Variants in NRXN3 observed in about 807,000 individuals in gnomAD.
NRXN3 encodes neurexin 3.
Under a neutral mutation model 137.6 loss-of-function variants are expected in NRXN3, and 32 were observed. The ratio of observed to expected loss-of-function variants is 0.23; its 90% CI spans 0.18 to 0.31. The LOEUF (loss-of-function observed/expected upper bound fraction) is 0.31, where lower values mean the gene tolerates loss of function less well. Among genes scored for constraint, NRXN3 ranks in the 10% least tolerant of loss-of-function variants. The probability of loss-of-function intolerance (pLI) is 1.00; values close to 1 mark genes in which losing one functional copy is unlikely to be tolerated. For synonymous variants in NRXN3, 798 were observed against 784.5 expected, an observed-to-expected ratio of 1.02 and a Z score of -0.29; for missense variants, 1,574 against 2,062.5, an observed-to-expected ratio of 0.76 and a Z score of 4.59.
chr14:78,187,088 G>T (rs1372545114), intron 1 of NRXN3, among the ~76,000 whole-genome samples: 1 of 152,146 alleles, frequency 6.6e-6, no homozygotes, highest in African/African-American at 2.4e-5. Flanking sequence ...TGCATGGATT[G>T]TGCCCAAGCT....
chr14:79,167,087 C>G (rs1403149125), intron 15 of NRXN3, among the ~76,000 whole-genome samples: 1 of 151,940 alleles, frequency 6.6e-6, no homozygotes, highest in Admixed American at 6.6e-5. Context: ...ATTTTTATGA[C>G]AATTTGAAAA....
At chr14:79,112,352 G>T (rs2053673433) in intron 15 of NRXN3, among the ~76,000 whole-genome samples, 1 of 152,214 alleles carries the variant, frequency 6.6e-6, no homozygotes, top group African/African-American at 2.4e-5. Flanking sequence ...GAGAAGGGAA[G>T]AAGGATGCAT....
intron 15 of NRXN3, among the ~76,000 whole-genome samples, chr14:79,330,445 G>T (rs925405751): frequency 2.6e-5 from 4 of 152,136 alleles, no homozygotes; most frequent in Admixed American, 2.6e-4. Flanking sequence ...AACCTGTATT[G>T]TGTGTATCTT....
chr14:78,384,628 G>A (rs969490800), intron 4 of NRXN3, among the ~76,000 whole-genome samples: 1 of 152,080 alleles, frequency 6.6e-6, no homozygotes, highest in Non-Finnish European at 1.5e-5. Flanking sequence ...AGTTCTTGAG[G>A]GTGGAAAGAG....
At chr14:78,982,267 T>G (rs2099491291) in intron 14 of NRXN3, among the ~76,000 whole-genome samples, 3 of 152,242 alleles carry the variant, frequency 2.0e-5, no homozygotes, top group Admixed American at 1.3e-4. Flanking sequence ...GTTCTTTCTT[T>G]TATTCAATAA....
At chr14:79,690,447 A>G (rs1014432819) in intron 17 of NRXN3, among the ~76,000 whole-genome samples, 6 of 152,018 alleles carry the variant, frequency 3.9e-5, no homozygotes, top group African/African-American at 1.4e-4. Context: ...TTCCTTGAGG[A>G]AAATTTTAAA....
At position 79,861,371 on chromosome 14, in the gene NRXN3, G is replaced by A. The variant is rs2099413612; in HGVS notation, c.4123G>A (p.Gly1375Ser). 6.5e-7 allele frequency: 1 copy of A among 1,536,000 alleles called. No individual in the cohort carries two copies. The highest frequency in any genetic ancestry group is 8.7e-7 in the Non-Finnish European group (1 of 1,146,934). ...GAGTCTTTCCACTTCAATCTTCGAAGGTGGCTACAAAGCACATGCGCCCAA... is the reference window on the plus strand; with the variant it reads ...GAGTCTTTCCACTTCAATCTTCGAAAGTGGCTACAAAGCACATGCGCCCAA... ...DKSLSTSIFEGGYKAHAPKWE... is the reference protein window; with the variant it reads ...DKSLSTSIFESGYKAHAPKWE... The change falls in exon 21 of 21, where the codon GGT becomes AGT. Residue 1375 changes from glycine (G) to serine (S), a missense_variant. Physicochemically the swap from Gly to Ser is moderately conservative, Grantham distance 56. Coordinates refer to ENST00000335750, the MANE Select transcript of NRXN3 (RefSeq NM_001330195.2). This position sits in a 1 kb window ranked among gnomAD's most constrained non-coding sequence, Gnocchi z 5.4.
chr14:79,240,272 A>G (rs2074061434), intron 15 of NRXN3, among the ~76,000 whole-genome samples: 1 of 152,028 alleles, frequency 6.6e-6, no homozygotes, highest in Non-Finnish European at 1.5e-5. Flanking sequence ...TCTTCTCCAT[A>G]TGCAAATGTA....
intron 15 of NRXN3, among the ~76,000 whole-genome samples, chr14:79,022,297 ACAATGTAC>A (rs1205310795): frequency 2.0e-5 from 3 of 152,232 alleles, no homozygotes; most frequent in Non-Finnish European, 4.4e-5. Context: ...ATGAGCTAGT[ACAATGTAC>A]CATGTGCAAA....
At chr14:79,091,569 C>G (rs2049198750) in intron 15 of NRXN3, among the ~76,000 whole-genome samples, 1 of 152,036 alleles carries the variant, frequency 6.6e-6, no homozygotes, top group African/African-American at 2.4e-5. Context: ...GGCGCTTTGT[C>G]CCAGGTGTTC....
At chr14:79,656,211 A>G (rs905721523) in intron 16 of NRXN3, among the ~76,000 whole-genome samples, 2 of 152,134 alleles carry the variant, frequency 1.3e-5, no homozygotes, top group East Asian at 1.9e-4. Flanking sequence ...TGTGGTTGAG[A>G]TTTAGCGGGG....
intron 16 of NRXN3, among the ~76,000 whole-genome samples, chr14:79,634,815 T>C (rs550656228): frequency 2.0e-5 from 3 of 152,268 alleles, no homozygotes; most frequent in South Asian, 4.1e-4. Flanking sequence ...CCTTTCCCCA[T>C]CGCCACCACG....
chr14:78,284,730 T>A lies in NRXN3; in HGVS notation c.727+6068T>A, dbSNP rs563041848. Among the ~76,000 whole-genome samples the A allele has an allele frequency of 5.3e-5, 8 of 152,254 alleles. No individual in the cohort carries two copies. The East Asian group carries it at 1.5e-3, about 29-fold the overall frequency. ...GAACCTCCCCAAACACACCTGCTGTTCTCTCCTGTCTCATATTCTCTCCCA... is the reference window on the plus strand; with the variant it reads ...GAACCTCCCCAAACACACCTGCTGTACTCTCCTGTCTCATATTCTCTCCCA... On this transcript the variant is annotated intron_variant, in intron 3 of 20. Transcript: ENST00000335750.
intron 15 of NRXN3, among the ~76,000 whole-genome samples, chr14:79,164,748 T>C (rs940671744): frequency 3.9e-5 from 6 of 152,010 alleles, no homozygotes; most frequent in Non-Finnish European, 2.9e-5. Context: ...TAACAGGTCA[T>C]TGCTCAGAAA....
At chr14:79,123,809 GC>G (rs2055910634) in intron 15 of NRXN3, among the ~76,000 whole-genome samples, 2 of 152,122 alleles carry the variant, frequency 1.3e-5, no homozygotes, top group African/African-American at 4.8e-5. Context: ...AGCAGAGCAG[GC>G]CAGGTAAGCA....
At chr14:79,558,497 G>C (rs1035205905) in intron 16 of NRXN3, among the ~76,000 whole-genome samples, 1 of 151,744 alleles carries the variant, frequency 6.6e-6, no homozygotes, top group African/African-American at 2.4e-5. Context: ...CAGAGCTCTT[G>C]GGTGATTAGG....
At chr14:79,289,606 G>C (rs1367151296) in intron 15 of NRXN3, among the ~76,000 whole-genome samples, 1 of 151,986 alleles carries the variant, frequency 6.6e-6, no homozygotes, top group African/African-American at 2.4e-5. Context: ...GGTGATGAGA[G>C]AGAAACTCTA....
chr14:78,200,079 G>A (rs561546450), intron 1 of NRXN3, among the ~76,000 whole-genome samples: 2 of 152,330 alleles, frequency 1.3e-5, no homozygotes, highest in South Asian at 4.1e-4. Context: ...CAAAGCTGGG[G>A]CAATGGGGTG....
At chr14:78,563,144 A>G (rs1047738645) in intron 4 of NRXN3, among the ~76,000 whole-genome samples, 1 of 152,244 alleles carries the variant, frequency 6.6e-6, no homozygotes. Flanking sequence ...GGGCTATCTG[A>G]AGAAAAACTA....
Sources: allele counts gnomAD v4.1 joint callset (sites outside exome capture counted in the v4.1 genomes callset), GRCh38; gene constraint gnomAD v4.1.1; non-coding constraint Gnocchi (gnomAD v3.1); transcripts MANE v1.5; gene names NCBI Gene and HGNC (gene_info 2026-07-23, HGNC 2026-07-21).